Variants in KLHDC1 observed in about 807,000 individuals in gnomAD.
KLHDC1 encodes the protein kelch domain-containing protein 1.
In KLHDC1, 53 loss-of-function variants were observed where a neutral mutation model predicts 68.3. That is an observed-to-expected ratio of 0.78 (90% CI 0.62 to 0.98). The LOEUF (loss-of-function observed/expected upper bound fraction) is 0.98. Ranked by LOEUF, KLHDC1 falls within the 50% of genes least tolerant of loss-of-function variation. KLHDC1 has a pLI of 0.00. For synonymous variants in KLHDC1, 148 were observed against 159.0 expected (o/e 0.93, Z 0.52); for missense variants, 470 against 492.3 (o/e 0.95, Z 0.43).
At position 49,734,664 on chromosome 14, in the gene KLHDC1, A is replaced by T. The variant is rs749843409; in HGVS notation, c.896+3A>T. Reference sequence around the variant, plus strand: ...CATTTACCTAAAACAAGACCTAGGTAAGTCAAGAAATTGACAAATAGTAAA... The same window carrying T: ...CATTTACCTAAAACAAGACCTAGGTTAGTCAAGAAATTGACAAATAGTAAA... On this transcript the variant is annotated splice_donor_region_variant and intron_variant, in intron 10 of 12. Transcript: ENST00000359332. The T allele has an allele frequency of 7.8e-6, 12 of 1,534,220 alleles. No homozygotes were observed. The highest frequency in any genetic ancestry group is 8.0e-6 in the Non-Finnish European group (9 of 1,118,096).
chr14:49,739,909 A>G (rs1387818122), intron 10 of KLHDC1, among the ~76,000 whole-genome samples, 189 bp from the exon 11 acceptor site: 2 of 152,206 alleles, frequency 1.3e-5, no homozygotes, highest in African/African-American at 4.8e-5. Flanking sequence ...TCATCTCTTT[A>G]ATGGTGTGAT....
chr14:49,729,478 C>T lies in KLHDC1; in HGVS notation c.652-12C>T. 1 of 1,595,204 alleles carries T rather than the reference C, an allele frequency of 6.3e-7. No homozygotes were observed. Among genetic ancestry groups the T allele is most frequent in the South Asian group, 1.1e-5 (1 of 90,546 alleles). On this transcript the variant is annotated splice_polypyrimidine_tract_variant and intron_variant, in intron 7 of 12. Transcript: ENST00000359332. ...GTGAAATACTGACCAATGTAACACA[C>T]TTTTCTTTTAGCAAACTAGGATGAA... is the stretch of plus-strand genomic sequence containing the variant.
chr14:49,706,374 A>G (rs1888050471), intron 1 of KLHDC1, among the ~76,000 whole-genome samples: 1 of 152,122 alleles, frequency 6.6e-6, no homozygotes. Flanking sequence ...TTCTTTATCC[A>G]TTCATGTGTT....
chr14:49,703,582 A>G lies in KLHDC1; in HGVS notation c.97-5577A>G, dbSNP rs146555214. 9.3e-4 allele frequency among the ~76,000 whole-genome samples: 142 copies of G among 152,224 alleles called. 3 individuals are homozygous for G. In the East Asian group the frequency reaches 0.023, roughly 25 times the overall value. ...GATCTTGGACTCCTCACCTTAGGTG[A>G]TCCACCCACCTCAGCCTCCCAAAGT... On this transcript the variant is annotated intron_variant, in intron 1 of 12. Coordinates refer to ENST00000359332, the MANE Select transcript of KLHDC1 (RefSeq NM_172193.3).
chr14:49,702,549 C>T (rs1887937537), intron 1 of KLHDC1, among the ~76,000 whole-genome samples: 9 of 152,164 alleles, frequency 5.9e-5, no homozygotes, highest in Admixed American at 5.2e-4. Flanking sequence ...ATATAAACCA[C>T]CTTTCTCTAT....
At chr14:49,702,459 T>A (rs563286972) in intron 1 of KLHDC1, among the ~76,000 whole-genome samples, 90 of 152,338 alleles carry the variant, frequency 5.9e-4, no homozygotes, top group African/African-American at 2.0e-3. Context: ...CTAATAGTTC[T>A]ACTTTATATA....
intron 4 of KLHDC1, among the ~76,000 whole-genome samples, chr14:49,717,417 C>T (rs538721131): frequency 1.3e-5 from 2 of 152,208 alleles, no homozygotes; most frequent in African/African-American, 4.8e-5. Context: ...GTTATACTAG[C>T]AGATGTGAAA....
At chr14:49,704,506 G>A (rs1887997308) in intron 1 of KLHDC1, among the ~76,000 whole-genome samples, 1 of 144,442 alleles carries the variant, frequency 6.9e-6, no homozygotes, top group South Asian at 2.2e-4. Flanking sequence ...CAATTCTCGT[G>A]CCTCAGCCTC....
chr14:49,714,668 A>G (rs566273860), intron 4 of KLHDC1, among the ~76,000 whole-genome samples: 84 of 152,022 alleles, frequency 5.5e-4, no homozygotes, highest in African/African-American at 2.0e-3. Flanking sequence ...CTGTGGTCCC[A>G]GCTACTTGGG....
At chr14:49,708,495 A>G (rs756914081) in intron 1 of KLHDC1, 8 of 152,190 alleles carry the variant, frequency 5.3e-5, no homozygotes, top group Non-Finnish European at 8.8e-5. Flanking sequence ...AATAAGTAAG[A>G]TTGTTATACA....
chr14:49,723,888 G>T lies in KLHDC1; in HGVS notation c.419G>T (p.Gly140Val). The T allele has an allele frequency of 1.3e-6, 2 of 1,589,558 alleles. No individual in the cohort carries two copies. Among genetic ancestry groups the T allele is most frequent in the Non-Finnish European group, 1.7e-6 (2 of 1,162,264 alleles). Residue 140 changes from glycine to valine, a missense_variant, in exon 5 of 13, where the codon GGT becomes GTT. By Grantham distance (109) the Gly-to-Val change is moderately radical. Transcript: ENST00000359332. ...WVYKDRLIYF[G>V]GYGCRRHSEL... ...TTGTTTTTCAGACTAATATATTTTGGTGGTTATGGGTGTAGGAGACACAGT... is the reference window on the plus strand; with the variant it reads ...TTGTTTTTCAGACTAATATATTTTGTTGGTTATGGGTGTAGGAGACACAGT...
rs1238907979 is a variant in KLHDC1, at chr14:49,693,132, A to T, written c.-63A>T. On this transcript the variant is annotated 5_prime_UTR_variant, in exon 1 of 13. Coordinates refer to ENST00000359332, the MANE Select transcript of KLHDC1 (RefSeq NM_172193.3). Reference sequence around the variant, plus strand: ...TCGTGCGTGGAGCAGTCGGGGCTGGAGGCGAGGCCGCCGGGCGGGCAGGGG... The same window carrying T: ...TCGTGCGTGGAGCAGTCGGGGCTGGTGGCGAGGCCGCCGGGCGGGCAGGGG... The T allele has an allele frequency of 1.5e-5, 22 of 1,425,758 alleles. No homozygotes were observed. Among genetic ancestry groups the T allele is most frequent in the East Asian group, 2.8e-5 (1 of 35,822 alleles). The allele number at this position is 1,425,758 out of a possible 1,614,324, so 88.3% of individuals were successfully genotyped here.
chr14:49,715,352 A>G (rs1246264122), intron 4 of KLHDC1, among the ~76,000 whole-genome samples: 2 of 151,140 alleles, frequency 1.3e-5, no homozygotes, highest in African/African-American at 4.9e-5. Flanking sequence ...TGATCTCTTG[A>G]CCTCATGATC....
intron 1 of KLHDC1, among the ~76,000 whole-genome samples, chr14:49,704,097 C>A (rs1036664235): frequency 1.3e-5 from 2 of 152,196 alleles, no homozygotes; most frequent in Non-Finnish European, 2.9e-5. Context: ...ATATCCTTGG[C>A]AACACATTTG....
intron 12 of KLHDC1, among the ~76,000 whole-genome samples, chr14:49,744,086 C>A (rs1889133210): frequency 6.6e-6 from 1 of 150,646 alleles, no homozygotes; most frequent in South Asian, 2.1e-4. Flanking sequence ...GAGTTCAAGA[C>A]CAGTGTGGGT....
intron 8 of KLHDC1, among the ~76,000 whole-genome samples, chr14:49,732,327 C>T (rs894995552): frequency 2.6e-5 from 4 of 152,110 alleles, no homozygotes; most frequent in African/African-American, 9.7e-5. Context: ...CGCATGCCAC[C>T]AGGCCCAGCT....
chr14:49,696,780 A>T (rs865864928), intron 1 of KLHDC1, among the ~76,000 whole-genome samples: 1 of 152,184 alleles, frequency 6.6e-6, no homozygotes, highest in South Asian at 2.1e-4. Flanking sequence ...AACTTGGCTA[A>T]CTGGCACAAG....
intron 12 of KLHDC1, among the ~76,000 whole-genome samples, chr14:49,745,810 T>C (rs181942116): frequency 2.6e-5 from 4 of 152,316 alleles, no homozygotes; most frequent in African/African-American, 9.6e-5. Flanking sequence ...AAATCAGAAA[T>C]CATATGTCAT....
intron 10 of KLHDC1, among the ~76,000 whole-genome samples, chr14:49,736,889 C>T (rs528683252): frequency 3.9e-5 from 6 of 152,316 alleles, no homozygotes; most frequent in Admixed American, 1.3e-4. Context: ...TGGTTGAGAA[C>T]GACTGTTCTA....
Sources: allele counts gnomAD v4.1 joint callset (sites outside exome capture counted in the v4.1 genomes callset), GRCh38; gene constraint gnomAD v4.1.1; transcripts MANE v1.5; gene names NCBI Gene and HGNC (gene_info 2026-07-23, HGNC 2026-07-21).